The following AUTS2 variants were observed in gnomAD, a reference collection of about 807,000 sequenced individuals.
AUTS2 encodes autism susceptibility gene 2 protein.
A neutral mutation model predicts 112.4 loss-of-function variants in AUTS2; 17 were observed. The ratio of observed to expected loss-of-function variants is 0.15; its 90% CI spans 0.10 to 0.23. The LOEUF (loss-of-function observed/expected upper bound fraction) is 0.23, where lower values mean the gene tolerates loss of function less well. Among genes scored for constraint, AUTS2 ranks in the 10% least tolerant of loss-of-function variants. The probability of loss-of-function intolerance (pLI) is 1.00; values close to 1 mark genes in which losing one functional copy is unlikely to be tolerated. For missense variants in AUTS2, 1,510 were observed against 1,701.6 expected (o/e 0.89, Z 1.98); for synonymous variants, 751 against 702.7 (o/e 1.07, Z -1.09).
At chr7:70,022,652 C>A (rs1800328210) in intron 2 of AUTS2, among the ~76,000 whole-genome samples, 1 of 151,860 alleles carries the variant, frequency 6.6e-6, no homozygotes, top group South Asian at 2.1e-4. Context: ...CTTTTTGATT[C>A]ACTAAAGGAC....
chr7:69,899,955 A>C (rs926214787), intron 2 of AUTS2, among the ~76,000 whole-genome samples: 2 of 152,190 alleles, frequency 1.3e-5, no homozygotes, highest in African/African-American at 4.8e-5. Flanking sequence ...AAGCTCAGAT[A>C]TTGTGGCATC....
chr7:69,889,265 G>T (rs1023720889), intron 1 of AUTS2, among the ~76,000 whole-genome samples: 11 of 152,126 alleles, frequency 7.2e-5, no homozygotes, highest in African/African-American at 2.7e-4. Context: ...AGGAATTCTG[G>T]CATGATGAAG....
chr7:69,688,968 A>G (rs1004461313), intron 1 of AUTS2, among the ~76,000 whole-genome samples: 1 of 152,214 alleles, frequency 6.6e-6, no homozygotes, highest in Non-Finnish European at 1.5e-5. Context: ...TTAATTACAT[A>G]TAGATAATTT....
intron 4 of AUTS2, among the ~76,000 whole-genome samples, chr7:70,246,897 T>C (rs1038828579): frequency 5.3e-5 from 8 of 151,764 alleles, no homozygotes; most frequent in African/African-American, 1.7e-4. Context: ...TCTCTATATG[T>C]TTTTTTTATT....
chr7:70,286,851 A>G (rs1370479099), intron 4 of AUTS2, among the ~76,000 whole-genome samples: 1 of 152,202 alleles, frequency 6.6e-6, no homozygotes, highest in Admixed American at 6.5e-5. Flanking sequence ...TTCATAAATC[A>G]AGAAAATGAG....
chr7:70,773,083 T>G (rs1790455764), intron 11 of AUTS2, among the ~76,000 whole-genome samples: 1 of 152,266 alleles, frequency 6.6e-6, no homozygotes, highest in Admixed American at 6.5e-5. Flanking sequence ...AGTGGAGTTC[T>G]TCATATGTAT....
chr7:70,233,084 T>A (rs984733919), intron 4 of AUTS2, among the ~76,000 whole-genome samples: 7 of 152,236 alleles, frequency 4.6e-5, no homozygotes, highest in African/African-American at 1.7e-4. Flanking sequence ...ATTCATTTGA[T>A]TGCCTTTCTT....
At chr7:70,553,756 CTTTCTTTT>C (rs1801114634) in intron 5 of AUTS2, among the ~76,000 whole-genome samples, 1 of 98,128 alleles carries the variant, frequency 1.0e-5, no homozygotes, top group Non-Finnish European at 2.1e-5. Context: ...AGAGGCCTTT[CTTTCTTTT>C]TTTTTTTTTT....
chr7:70,487,652 TA>T (rs1798065024), intron 5 of AUTS2, among the ~76,000 whole-genome samples: 1 of 152,150 alleles, frequency 6.6e-6, no homozygotes, highest in South Asian at 2.1e-4. Context: ...CTAAATGTGA[TA>T]AATGAATAGG....
chr7:70,146,426 G>A (rs1807128430), intron 4 of AUTS2, among the ~76,000 whole-genome samples: 1 of 151,882 alleles, frequency 6.6e-6, no homozygotes, highest in Admixed American at 6.6e-5. Flanking sequence ...CTGTACGTTT[G>A]TGTTTGTGAC....
chr7:70,008,099 A>G (rs967414610), intron 2 of AUTS2, among the ~76,000 whole-genome samples: 17 of 152,280 alleles, frequency 1.1e-4, no homozygotes, highest in Admixed American at 9.8e-4. Flanking sequence ...TGTGTTAAGT[A>G]TATTAACTCT....
At chr7:69,964,128 A>G (rs558285126) in intron 2 of AUTS2, among the ~76,000 whole-genome samples, 2 of 152,264 alleles carry the variant, frequency 1.3e-5, no homozygotes, top group Non-Finnish European at 1.5e-5. Context: ...CTATCCTACC[A>G]TATTACCTGA....
chr7:69,658,831 AG>A (rs1191963767), intron 1 of AUTS2, among the ~76,000 whole-genome samples: 1 of 152,246 alleles, frequency 6.6e-6, no homozygotes. Flanking sequence ...TGGTTTAAAA[AG>A]TAAATACTGC....
At chr7:70,418,232 A>C (rs77700666) in intron 4 of AUTS2, among the ~76,000 whole-genome samples, 1 of 152,104 alleles carries the variant, frequency 6.6e-6, no homozygotes, top group Non-Finnish European at 1.5e-5. Flanking sequence ...GCCACTATGC[A>C]TGGCCTGGTG....
At chr7:70,314,019 T>C (rs1585007368) in intron 4 of AUTS2, among the ~76,000 whole-genome samples, 1 of 152,356 alleles carries the variant, frequency 6.6e-6, no homozygotes, top group South Asian at 2.1e-4. Flanking sequence ...TAGGTTATTA[T>C]TGATAGACCC....
chr7:70,632,539 C>T (rs6979998), intron 5 of AUTS2, among the ~76,000 whole-genome samples: 64,743 of 151,018 alleles, frequency 0.43, 14,278 homozygotes, highest in East Asian at 0.58. Flanking sequence ...CACAGATGCC[C>T]CCCGTTGAGC....
chr7:70,775,290 A>C (rs1417439353), intron 12 of AUTS2, 67 bp from the exon 13 acceptor site: 78 of 1,380,828 alleles, frequency 5.6e-5, no homozygotes, highest in Non-Finnish European at 4.7e-5. Flanking sequence ...AAGCACTACA[A>C]ATTTGTTAAT....
intron 5 of AUTS2, among the ~76,000 whole-genome samples, chr7:70,546,167 G>A (rs1800766306): frequency 6.6e-6 from 1 of 152,144 alleles, no homozygotes; most frequent in South Asian, 2.1e-4. Context: ...ATTTTAGCTG[G>A]GTGTGGTGGC....
intron 4 of AUTS2, among the ~76,000 whole-genome samples, chr7:70,158,435 G>A (rs1000474436): frequency 6.6e-6 from 1 of 152,172 alleles, no homozygotes; most frequent in Non-Finnish European, 1.5e-5. Context: ...CAAAGTCAAC[G>A]AGTCAATGTG....
Sources: gnomAD v4.1 joint callset for allele counts (sites outside exome capture counted in the v4.1 genomes callset) on GRCh38, gnomAD v4.1.1 for gene constraint, MANE v1.5 for transcripts, NCBI Gene and HGNC (gene_info 2026-07-23, HGNC 2026-07-21) for gene names.